The following PLPBP variants were observed in gnomAD, a reference collection of about 807,000 sequenced individuals.
PLPBP encodes the protein pyridoxal phosphate binding protein, also known as pyridoxal phosphate homeostasis protein.
Under a neutral mutation model 31.2 loss-of-function variants are expected in PLPBP, and 21 were observed. The observed-to-expected ratio is 0.67, with a 90% CI of 0.48 to 0.97. PLPBP has a LOEUF of 0.97. Among genes scored for constraint, PLPBP ranks in the 50% least tolerant of loss-of-function variants. PLPBP has a pLI of 0.00. For missense variants in PLPBP, 308 were observed against 354.4 expected, an observed-to-expected ratio of 0.87 and a Z score of 1.05; for synonymous variants, 124 against 135.6, an observed-to-expected ratio of 0.91 and a Z score of 0.59.
At chr8:37,772,914 G>A in intron 5 of PLPBP, 25 bp downstream of exon 5, 3 of 1,613,496 alleles carry the variant, frequency 1.9e-6, no homozygotes, top group Non-Finnish European at 2.5e-6. Context: ...CTGAATTGTA[G>A]ATTTTTCTTC....
chr8:37,769,280 G>A (rs1803714193), intron 4 of PLPBP, among the ~76,000 whole-genome samples: 1 of 151,998 alleles, frequency 6.6e-6, no homozygotes, highest in Non-Finnish European at 1.5e-5. Context: ...AGCCTGCAGT[G>A]AGCTGTGATT....
In PLPBP at chr8:37,778,103, G is replaced by A; in HGVS notation, c.827G>A (p.Ter276=). The A allele has an allele frequency of 6.2e-7, 1 of 1,612,588 alleles. No homozygotes were observed. The highest frequency in any genetic ancestry group is 2.2e-5 in the East Asian group (1 of 44,790). Reference sequence around the variant, plus strand: ...CCGCTGGAGGTGGCACAGGAGCACTGAGCCAGGGAATACTGAGAGCACTAA... The same window carrying A: ...CCGCTGGAGGTGGCACAGGAGCACTAAGCCAGGGAATACTGAGAGCACTAA... The part of the protein sequence containing the change: ...KAPLEVAQEH[*] The change falls in exon 8 of 8, where the codon TGA becomes TAA. Residue 276 remains the stop codon, a stop_retained_variant. Transcript: ENST00000328195.
intron 7 of PLPBP, 64 bp downstream of exon 7, chr8:37,776,080 C>G: frequency 6.9e-7 from 1 of 1,446,942 alleles, no homozygotes. Context: ...GAGAGGCTGA[C>G]ACAAGAGCAG....
chr8:37,762,745 C>A lies in PLPBP; in HGVS notation c.86C>A (p.Ala29Glu). Residue 29 changes from alanine (A) to glutamate (E), a missense_variant, in exon 1 of 8, where the codon GCG becomes GAG. Coordinates refer to ENST00000328195, the MANE Select transcript of PLPBP (RefSeq NM_007198.4). Reference sequence around the variant, plus strand: ...AACGAGCGCGTGCAGCAGGCTGTGGCGCGGCGGCCGCGGGTGAGGAAGGAG... The same window carrying A: ...AACGAGCGCGTGCAGCAGGCTGTGGAGCGGCGGCCGCGGGTGAGGAAGGAG... Reference protein sequence around the residue: ...AVNERVQQAVARRPRDLPAIQ... With the variant: ...AVNERVQQAVERRPRDLPAIQ... 6.4e-7 allele frequency: 1 copy of A among 1,567,656 alleles called. No individual in the cohort carries two copies. Among genetic ancestry groups the A allele is most frequent in the East Asian group, 2.3e-5 (1 of 43,344 alleles).
At chr8:37,766,503 A>T (rs1682420830) in intron 4 of PLPBP, 148 bp downstream of exon 4, 1 of 1,309,322 alleles carries the variant, frequency 7.6e-7, no homozygotes, top group Non-Finnish European at 9.7e-7. Context: ...TTCTTAATAA[A>T]AAGAGAAAAC....
Position 37,762,737 on chromosome 8 carries a change from G to C in PLPBP, c.78G>C (p.Gln26His). Residue 26 changes from glutamine to histidine, a missense_variant, in exon 1 of 8, where the codon CAG (glutamine) becomes CAC (histidine). By Grantham distance (24) the Gln-to-His change is conservative (BLOSUM62 0). This residue lies in a region of PLPBP where 120 missense variants were observed against 95.1 expected (regional missense o/e 1.26). Coordinates refer to ENST00000328195, the MANE Select transcript of PLPBP (RefSeq NM_007198.4). ...ALRAVNERVQ[Q>H]AVARRPRDLP... is the part of the protein sequence containing the mutation. ...GGGCGGTGAACGAGCGCGTGCAGCA[G>C]GCTGTGGCGCGGCGGCCGCGGGTGA... The C allele has an allele frequency of 6.3e-7, 1 of 1,581,132 alleles. No individual in the cohort carries two copies. Among genetic ancestry groups the C allele is most frequent in the Admixed American group, 1.8e-5 (1 of 55,726 alleles).
intron 3 of PLPBP, among the ~76,000 whole-genome samples, chr8:37,766,039 A>T (rs1456016308): frequency 6.6e-6 from 1 of 152,204 alleles, no homozygotes; most frequent in African/African-American, 2.4e-5. Context: ...AGTTCATCCT[A>T]GATGGGCAAT....
intron 7 of PLPBP, among the ~76,000 whole-genome samples, chr8:37,777,063 G>A (rs866804489): frequency 1.4e-4 from 22 of 152,286 alleles, no homozygotes; most frequent in East Asian, 1.9e-4. Flanking sequence ...CACTGCACCC[G>A]TCCGAGGCTT....
intron 4 of PLPBP, among the ~76,000 whole-genome samples, chr8:37,767,191 G>A (rs1234986230): frequency 2.0e-5 from 3 of 152,088 alleles, no homozygotes; most frequent in Admixed American, 1.3e-4. Flanking sequence ...TTATTAGGGA[G>A]GTAAGTGACT....
intron 5 of PLPBP, among the ~76,000 whole-genome samples, chr8:37,773,621 ACCACGCC>A (rs1803832036): frequency 6.6e-6 from 1 of 151,976 alleles, no homozygotes; most frequent in African/African-American, 2.4e-5. Flanking sequence ...GGCACGCGCT[ACCACGCC>A]CAGCTAATAT....
At chr8:37,776,359 C>G (rs1398802234) in intron 7 of PLPBP, among the ~76,000 whole-genome samples, 1 of 151,568 alleles carries the variant, frequency 6.6e-6, no homozygotes, top group Non-Finnish European at 1.5e-5. Flanking sequence ...GCCTGTAATC[C>G]CAGCTACTCA....
intron 5 of PLPBP, among the ~76,000 whole-genome samples, chr8:37,774,190 G>A (rs768597867): frequency 1.2e-4 from 18 of 151,958 alleles, no homozygotes; most frequent in Non-Finnish European, 2.1e-4. Flanking sequence ...CAGCCTGGGC[G>A]ACAGAGTTAG....
At chr8:37,764,225 C>A (rs1000499558) in intron 1 of PLPBP, among the ~76,000 whole-genome samples, 4 of 152,080 alleles carry the variant, frequency 2.6e-5, no homozygotes, top group Non-Finnish European at 5.9e-5. Context: ...GCCTCAGCCT[C>A]CTGAGTAGCT....
Position 37,775,437 on chromosome 8 carries a change from A to G in PLPBP, c.553A>G (p.Ser185Gly). The change falls in exon 6 of 8, where the codon AGC becomes GGC. Residue 185 changes from serine to glycine, a missense_variant. By Grantham distance (56) the Ser-to-Gly change is moderately conservative. This residue lies in a region of PLPBP where 188 missense variants were observed against 259.3 expected (regional missense o/e 0.73). Transcript: ENST00000328195. Reference sequence around the variant, plus strand: ...GTTTGTGGGGCTGATGACCATAGGAAGCTTTGGGCATGATCTTAGTCAAGG... The same window carrying G: ...GTTTGTGGGGCTGATGACCATAGGAGGCTTTGGGCATGATCTTAGTCAAGG... The part of the protein sequence containing the change: ...LEFVGLMTIG[S>G]FGHDLSQGPN... 6.2e-7 allele frequency: 1 copy of G among 1,614,212 alleles called. No homozygotes were observed. Among genetic ancestry groups the G allele is most frequent in the African/African-American group, 1.3e-5 (1 of 75,056 alleles).
intron 4 of PLPBP, among the ~76,000 whole-genome samples, chr8:37,769,146 G>A (rs1036868967): frequency 1.3e-5 from 2 of 151,990 alleles, no homozygotes; most frequent in African/African-American, 2.4e-5. Context: ...ACCAGCCTGG[G>A]TAACATGGCA....
At chr8:37,762,610 G>T, upstream of PLPBP, 1 of 1,537,190 alleles carries the variant, frequency 6.5e-7, no homozygotes. Context: ...GGAAGATGGT[G>T]TGAGCCACGG....
chr8:37,770,572 T>TTTTGTTTG (rs1265211369), intron 4 of PLPBP, among the ~76,000 whole-genome samples: 4 of 152,062 alleles, frequency 2.6e-5, no homozygotes, highest in Admixed American at 2.6e-4. Context: ...TCTGGACAAA[T>TTTTGTTTG]TTTGTTTGTT....
chr8:37,764,427 T>G (rs1403336218), intron 1 of PLPBP, among the ~76,000 whole-genome samples: 1 of 152,138 alleles, frequency 6.6e-6, no homozygotes, highest in African/African-American at 2.4e-5. Flanking sequence ...ATTCAAGCAA[T>G]TCTCCTGCCT....
intron 7 of PLPBP, among the ~76,000 whole-genome samples, 200 bp downstream of exon 7, chr8:37,776,216 G>A (rs564789797): frequency 1.1e-4 from 17 of 152,254 alleles, no homozygotes; most frequent in African/African-American, 3.4e-4. Context: ...GGTGGCGCAC[G>A]CCTGTAATCC....
Sources: allele counts gnomAD v4.1 joint callset (sites outside exome capture counted in the v4.1 genomes callset), GRCh38; gene constraint gnomAD v4.1.1; regional missense constraint gnomAD v4.1.1; transcripts MANE v1.5; gene names NCBI Gene and HGNC (gene_info 2026-07-23, HGNC 2026-07-21).